Variants in SGCZ observed in about 807,000 individuals in gnomAD.
The protein encoded by SGCZ is zeta-sarcoglycan.
A neutral mutation model predicts 41.3 loss-of-function variants in SGCZ; 40 were observed. The observed-to-expected ratio is 0.97, with a 90% CI of 0.75 to 1.26. The LOEUF (loss-of-function observed/expected upper bound fraction) is 1.26. SGCZ is among the 50% of genes most tolerant of loss of function. SGCZ has a pLI of 0.00. For missense variants in SGCZ, 552 were observed against 369.8 expected, an observed-to-expected ratio of 1.49 and a Z score of -4.04; for synonymous variants, 206 against 137.5, an observed-to-expected ratio of 1.50 and a Z score of -3.49.
rs1362793563 is a variant in SGCZ, at chr8:14,088,022, A to C, written c.*2421T>G. Among the ~76,000 whole-genome samples, 1 of 151,836 alleles carries C rather than the reference A, an allele frequency of 6.6e-6. No individual in the cohort carries two copies. The highest frequency in any genetic ancestry group is 1.5e-5 in the Non-Finnish European group (1 of 67,834). On this transcript the variant is annotated 3_prime_UTR_variant, in exon 8 of 8. Transcript: ENST00000382080. ...TACTTCTCAGAATGCATTTGAATTAAAAATGTGTCAGTCCCTCACTGGAAT... is the reference window on the plus strand; with the variant it reads ...TACTTCTCAGAATGCATTTGAATTACAAATGTGTCAGTCCCTCACTGGAAT...
At chr8:15,025,711 G>C (rs1803429756) in intron 1 of SGCZ, among the ~76,000 whole-genome samples, 1 of 152,168 alleles carries the variant, frequency 6.6e-6, no homozygotes, top group African/African-American at 2.4e-5. Flanking sequence ...GGTATGGAGA[G>C]AGAAAATTAG....
At chr8:15,114,812 A>G (rs964370054) in intron 1 of SGCZ, among the ~76,000 whole-genome samples, 2 of 151,886 alleles carry the variant, frequency 1.3e-5, no homozygotes, top group African/African-American at 2.4e-5. Flanking sequence ...CAAATACTAA[A>G]CAGAGTTGCC....
chr8:14,536,839 C>G (rs960644187), intron 2 of SGCZ, among the ~76,000 whole-genome samples: 24 of 151,858 alleles, frequency 1.6e-4, no homozygotes, highest in African/African-American at 5.8e-4. Context: ...AAGAAAATAG[C>G]AACTATTATT....
At chr8:14,978,525 G>C (rs1186942142) in intron 1 of SGCZ, among the ~76,000 whole-genome samples, 1 of 136,002 alleles carries the variant, frequency 7.4e-6, no homozygotes, top group Non-Finnish European at 1.5e-5. Flanking sequence ...GCTTGCATTT[G>C]GTGTATTTCA....
At chr8:14,524,868 G>A (rs1162654390) in intron 2 of SGCZ, among the ~76,000 whole-genome samples, 1 of 152,016 alleles carries the variant, frequency 6.6e-6, no homozygotes, top group Non-Finnish European at 1.5e-5. Flanking sequence ...ATGTCTGAAA[G>A]TAATATAATT....
At chr8:14,228,259 A>G (rs1806441803) in intron 4 of SGCZ, among the ~76,000 whole-genome samples, 1 of 152,122 alleles carries the variant, frequency 6.6e-6, no homozygotes, top group Admixed American at 6.6e-5. Flanking sequence ...CCACAAAGGA[A>G]GCCTCATTAA....
At chr8:14,682,026 A>G (rs1002540529) in intron 1 of SGCZ, among the ~76,000 whole-genome samples, 1 of 152,192 alleles carries the variant, frequency 6.6e-6, no homozygotes, top group African/African-American at 2.4e-5. Flanking sequence ...GAAAAATAAC[A>G]TATCTGCCCA....
At chr8:14,980,260 A>G (rs75655683) in intron 1 of SGCZ, among the ~76,000 whole-genome samples, 3,450 of 152,274 alleles carry the variant, frequency 0.023, 111 homozygotes, top group East Asian at 0.16. Context: ...ATTGAGCCAG[A>G]TTTGATCACG....
At chr8:15,189,742 G>C (rs1800469809) in intron 1 of SGCZ, among the ~76,000 whole-genome samples, 1 of 151,922 alleles carries the variant, frequency 6.6e-6, no homozygotes, top group African/African-American at 2.4e-5. Context: ...GTAGAGAAGG[G>C]GTTTTACCAT....
At chr8:14,118,091 A>G (rs1802580050) in intron 5 of SGCZ, among the ~76,000 whole-genome samples, 1 of 152,012 alleles carries the variant, frequency 6.6e-6, no homozygotes, top group African/African-American at 2.4e-5. Flanking sequence ...TCCTCTAGGT[A>G]TATAACCAGT....
At chr8:15,218,273 G>T (rs1801483106) in intron 1 of SGCZ, among the ~76,000 whole-genome samples, 1 of 152,060 alleles carries the variant, frequency 6.6e-6, no homozygotes, top group Admixed American at 6.6e-5. Flanking sequence ...TTATTTAAAA[G>T]AATCCTATAT....
rs1163574326 is a variant in SGCZ, at chr8:15,183,044, C to A, written c.39+54541G>T. On this transcript the variant is annotated intron_variant, in intron 1 of 7. Coordinates refer to ENST00000382080, the MANE Select transcript of SGCZ (RefSeq NM_139167.4). ...CTGTCATTCATCCCCCGCATCTTGTCCCACTGGAAACCCTTCAGGGGCAGT... is the reference window on the plus strand; with the variant it reads ...CTGTCATTCATCCCCCGCATCTTGTACCACTGGAAACCCTTCAGGGGCAGT... 2.6e-5 allele frequency among the ~76,000 whole-genome samples: 4 copies of A among 152,304 alleles called. No individual in the cohort carries two copies. In the East Asian group the frequency reaches 7.7e-4, roughly 29 times the overall value.
chr8:14,174,932 C>G (rs1473907996), intron 4 of SGCZ, among the ~76,000 whole-genome samples: 1 of 152,070 alleles, frequency 6.6e-6, no homozygotes, highest in Non-Finnish European at 1.5e-5. Context: ...ATCTGTGTGT[C>G]CAAATTTCCT....
intron 2 of SGCZ, among the ~76,000 whole-genome samples, chr8:14,460,141 T>C (rs1234461012): frequency 1.3e-5 from 2 of 152,206 alleles, no homozygotes; most frequent in African/African-American, 2.4e-5. Context: ...CTAGGTGAAG[T>C]GTATACATGA....
chr8:14,109,819 A>G (rs1802319548), intron 5 of SGCZ, among the ~76,000 whole-genome samples: 1 of 152,110 alleles, frequency 6.6e-6, no homozygotes, highest in Non-Finnish European at 1.5e-5. Flanking sequence ...GATTTCATCT[A>G]TATTATGCTG....
intron 2 of SGCZ, among the ~76,000 whole-genome samples, chr8:14,548,414 A>G (rs1013221448): frequency 3.9e-5 from 6 of 152,190 alleles, no homozygotes; most frequent in Admixed American, 6.5e-5. Flanking sequence ...TTATGAATAT[A>G]AAAATGAATT....
intron 2 of SGCZ, among the ~76,000 whole-genome samples, chr8:14,548,951 A>C (rs1050711963): frequency 6.6e-6 from 1 of 152,084 alleles, no homozygotes; most frequent in African/African-American, 2.4e-5. Flanking sequence ...GGAAGTCTTG[A>C]AACACAGCTA....
chr8:14,478,639 C>G (rs903864131), intron 2 of SGCZ, among the ~76,000 whole-genome samples: 10 of 151,864 alleles, frequency 6.6e-5, no homozygotes, highest in African/African-American at 9.7e-5. Flanking sequence ...AAAAATGAAA[C>G]TGAAATTTAA....
At chr8:14,463,368 C>G (rs1241403750) in intron 2 of SGCZ, among the ~76,000 whole-genome samples, 1 of 145,762 alleles carries the variant, frequency 6.9e-6, no homozygotes, top group Non-Finnish European at 1.5e-5. Context: ...GGCATGTAGA[C>G]CAATGGAAAA....
Sources: allele counts gnomAD v4.1 joint callset (sites outside exome capture counted in the v4.1 genomes callset), GRCh38; gene constraint gnomAD v4.1.1; transcripts MANE v1.5; gene names NCBI Gene and HGNC (gene_info 2026-07-23, HGNC 2026-07-21).